Variants in RFX2 observed in about 807,000 individuals in gnomAD.
RFX2 encodes regulatory factor X2, also known as DNA-binding protein RFX2.
Under a neutral mutation model 87.8 loss-of-function variants are expected in RFX2, and 20 were observed. The ratio of observed to expected loss-of-function variants is 0.23; its 90% confidence interval spans 0.16 to 0.33. RFX2 has a LOEUF of 0.33. RFX2 is among the 10% of genes least tolerant of loss of function. RFX2 has a pLI of 1.00. For synonymous variants in RFX2, 397 were observed against 431.3 expected (o/e 0.92, Z 0.98); for missense variants, 767 against 1,012.3 (o/e 0.76, Z 3.29).
At position 6,011,003 on chromosome 19, in the gene RFX2, C is replaced by T. The variant is rs1008613023; in HGVS notation, c.900-752G>A. Among the ~76,000 whole-genome samples the T allele has an allele frequency of 5.9e-5, 9 of 151,968 alleles. No homozygotes were observed. The highest frequency in any genetic ancestry group is 2.1e-4 in the South Asian group (1 of 4,816). The stretch of plus-strand genomic sequence containing the variant: ...TGGTGGCGCATGCCTTTAATCCCAG[C>T]GACTCAGGAGGCTGAGGCAGGAGAA... On this transcript the variant is annotated intron_variant, in intron 8 of 17. Transcript: ENST00000303657. This position sits in a 1 kb window ranked among gnomAD's most constrained non-coding sequence, Gnocchi z 4.8.
chr19:6,087,526 T>G (rs1407273200), intron 1 of RFX2, among the ~76,000 whole-genome samples: 1 of 152,184 alleles, frequency 6.6e-6, no homozygotes, highest in African/African-American at 2.4e-5. Context: ...GAAGCCCATC[T>G]GATTTACCAC....
intron 5 of RFX2, among the ~76,000 whole-genome samples, chr19:6,033,159 A>C (rs1211382171): frequency 6.6e-6 from 1 of 152,204 alleles, no homozygotes; most frequent in African/African-American, 2.4e-5. Flanking sequence ...ATTCTTACAG[A>C]GCCACTGCGC....
At chr19:6,019,005 A>C (rs1415736299) in intron 6 of RFX2, among the ~76,000 whole-genome samples, 2 of 152,040 alleles carry the variant, frequency 1.3e-5, no homozygotes, top group African/African-American at 4.8e-5. Context: ...TTGCTACCAC[A>C]AAGTCTGCCT....
Position 6,022,369 on chromosome 19 carries a change from T to C in RFX2, c.597+3794A>G, listed in dbSNP as rs1316974769. Among the ~76,000 whole-genome samples, 1 of 152,204 alleles carries C rather than the reference T, an allele frequency of 6.6e-6. No individual in the cohort carries two copies. The highest frequency in any genetic ancestry group is 1.5e-5 in the Non-Finnish European group (1 of 68,030). On this transcript the variant is annotated intron_variant, in intron 6 of 17. Transcript: ENST00000303657. The surrounding 1 kb of genome is among the most constrained non-coding windows in gnomAD (Gnocchi z 6.2). ...CCTTTGACAATGTGTGTTTCTTGAT[T>C]TCAAAGCAAAAAGTCACATAACCCA...
rs57838932 is a variant in RFX2 at position 6,013,725 on chromosome 19, G to A, written c.780-620C>T. 0.061 allele frequency among the ~76,000 whole-genome samples: 9,290 copies of A among 152,216 alleles called. 718 individuals carry two copies. Among genetic ancestry groups the A allele is most frequent in the African/African-American group, 0.19 (7,706 of 41,488 alleles). On this transcript the variant is annotated intron_variant, in intron 7 of 17. Coordinates refer to ENST00000303657, the MANE Select transcript of RFX2 (RefSeq NM_000635.4). The surrounding 1 kb of genome is among the most constrained non-coding windows in gnomAD (Gnocchi z 4.1). ...CTGCTGCAGCCTCTGAGTAGCTGAC[G>A]TGTGCCACCACACTCGGATCTTGAC... is the stretch of plus-strand genomic sequence containing the variant.
intron 15 of RFX2, among the ~76,000 whole-genome samples, chr19:6,000,007 G>A (rs1026121815): frequency 1.3e-5 from 2 of 150,796 alleles, no homozygotes; most frequent in African/African-American, 4.9e-5. Flanking sequence ...TTCTTGAGAT[G>A]GAGTTTGGCT....
At position 6,002,861 on chromosome 19, in the gene RFX2, C is replaced by T. The variant is rs1033176690; in HGVS notation, c.1510G>A (p.Val504Ile). 11 of 1,607,154 alleles carry T rather than the reference C, an allele frequency of 6.8e-6. No homozygotes were observed. The highest frequency in any genetic ancestry group is 2.7e-5 in the African/African-American group (2 of 74,890). ...QQVIQTKVGV[V>I]SAFAQTLRRY... is the part of the protein sequence containing the mutation. The stretch of plus-strand genomic sequence containing the variant: ...CGCAGCGTCTGGGCGAAGGCACTGA[C>T]GACGCCCACCTGTAAGCCAGGGCTC... Residue 504 changes from valine to isoleucine, a missense_variant, in exon 14 of 18, where the codon GTC becomes ATC. By Grantham distance (29) the Val-to-Ile change is conservative. Transcript: ENST00000303657. This position sits in a 1 kb window ranked among gnomAD's most constrained non-coding sequence, Gnocchi z 6.7.
chr19:6,054,850 G>A (rs1305332393), intron 1 of RFX2, among the ~76,000 whole-genome samples: 4 of 152,170 alleles, frequency 2.6e-5, no homozygotes, highest in Non-Finnish European at 1.5e-5. Flanking sequence ...AGAAAAACTT[G>A]AGAAATTAGA....
At chr19:6,065,111 T>C (rs1183360342) in intron 1 of RFX2, among the ~76,000 whole-genome samples, 1 of 152,214 alleles carries the variant, frequency 6.6e-6, no homozygotes, top group Non-Finnish European at 1.5e-5. Flanking sequence ...AACTGGGGAC[T>C]GGGCAGAAAA....
At position 6,011,458 on chromosome 19, in the gene RFX2, ACCTGGCTCAGGGCAGG is replaced by A. The variant is rs1180725684; in HGVS notation, c.900-1223_900-1208del. ...CATGCTGGCGAGGTGTGTGTAAACCACCTGGCTCAGGGCAGGCCGTGGGCATCACACAGACACAGGC... is the reference window on the plus strand; with the variant it reads ...CATGCTGGCGAGGTGTGTGTAAACCACCGTGGGCATCACACAGACACAGGC... On this transcript the variant is annotated intron_variant, in intron 8 of 17. Coordinates refer to ENST00000303657, the MANE Select transcript of RFX2 (RefSeq NM_000635.4). This position sits in a 1 kb window ranked among gnomAD's most constrained non-coding sequence, Gnocchi z 4.8. 6.6e-6 allele frequency among the ~76,000 whole-genome samples: 1 copy of A among 152,204 alleles called. No individual in the cohort carries two copies. The highest frequency in any genetic ancestry group is 1.5e-5 in the Non-Finnish European group (1 of 68,032).
rs780261712 is a variant in RFX2, at chr19:6,050,714, A to AGACTGGG, written c.-8-3211_-8-3210insCCCAGTC. On this transcript the variant is annotated intron_variant, in intron 1 of 17. Coordinates refer to ENST00000303657, the MANE Select transcript of RFX2 (RefSeq NM_000635.4). This position sits in a 1 kb window ranked among gnomAD's most constrained non-coding sequence, Gnocchi z 4.6. Reference sequence around the variant, plus strand: ...AGAACAAACTGTCTAATATATATGTAACGAGAGTCCCAGAAGAGAAAAAGA... The same window carrying AGACTGGG: ...AGAACAAACTGTCTAATATATATGTAGACTGGGACGAGAGTCCCAGAAGAGAAAAAGA... 1.3e-5 allele frequency among the ~76,000 whole-genome samples: 2 copies of AGACTGGG among 152,216 alleles called. No homozygotes were observed. Among genetic ancestry groups the AGACTGGG allele is most frequent in the South Asian group, 2.1e-4 (1 of 4,834 alleles).
rs113457574 is a variant in RFX2 at position 6,004,297 on chromosome 19, A to G, written c.1404T>C (p.Ser468=). Reference sequence around the variant, plus strand: ...AGTTACGGATGGCCTGTGTCAAGGTACCTGGGGGATACAGACCATGATATT... The same window carrying G: ...AGTTACGGATGGCCTGTGTCAAGGTGCCTGGGGGATACAGACCATGATATT... ...LIPDVLRPVP[S]TLTQAIRNFA... Residue 468 remains serine, a splice_region_variant and synonymous_variant, in exon 13 of 18, where the codon AGT becomes AGC. Transcript: ENST00000303657. The surrounding 1 kb of genome is among the most constrained non-coding windows in gnomAD (Gnocchi z 4.8). 1.2e-6 allele frequency: 2 copies of G among 1,612,852 alleles called. No homozygotes were observed. The highest frequency in any genetic ancestry group is 1.7e-6 in the Non-Finnish European group (2 of 1,178,974).
Position 6,016,009 on chromosome 19 carries a change from G to A in RFX2, c.779+81C>T, listed in dbSNP as rs2086721404. On this transcript the variant is annotated intron_variant, in intron 7 of 17. Coordinates refer to ENST00000303657, the MANE Select transcript of RFX2 (RefSeq NM_000635.4). This position sits in a 1 kb window ranked among gnomAD's most constrained non-coding sequence, Gnocchi z 5.4. Reference sequence around the variant, plus strand: ...GAATCAGGCCACCTGGAAAGGAGGAGGAAGCCTCGCATTTTCCCAAAAGCT... The same window carrying A: ...GAATCAGGCCACCTGGAAAGGAGGAAGAAGCCTCGCATTTTCCCAAAAGCT... 1.5e-6 allele frequency: 2 copies of A among 1,375,748 alleles called. No homozygotes were observed. The highest frequency in any genetic ancestry group is 1.5e-5 in the African/African-American group (1 of 68,800). 85.2% of individuals were successfully genotyped at this position (1,375,748 alleles called of 1,614,324 possible).
Position 6,004,303 on chromosome 19 carries a change from G to A in RFX2, c.1403-5C>T. 6.2e-7 allele frequency: 1 copy of A among 1,611,498 alleles called. No homozygotes were observed. Among genetic ancestry groups the A allele is most frequent in the Non-Finnish European group, 8.5e-7 (1 of 1,177,650 alleles). ...GGATGGCCTGTGTCAAGGTACCTGGGGGATACAGACCATGATATTACCAGG... is the reference window on the plus strand; with the variant it reads ...GGATGGCCTGTGTCAAGGTACCTGGAGGATACAGACCATGATATTACCAGG... On this transcript the variant is annotated splice_region_variant and splice_polypyrimidine_tract_variant and intron_variant, in intron 12 of 17. Transcript: ENST00000303657. This position sits in a 1 kb window ranked among gnomAD's most constrained non-coding sequence, Gnocchi z 4.8.
chr19:6,088,343 C>G (rs933110993), intron 1 of RFX2, among the ~76,000 whole-genome samples: 4 of 150,780 alleles, frequency 2.7e-5, no homozygotes, highest in Non-Finnish European at 5.9e-5. Flanking sequence ...TCCTGAGTGG[C>G]TAGTATTACA....
At position 6,047,360 on chromosome 19, in the gene RFX2, G is replaced by T. The variant is rs776395207; in HGVS notation, c.90+47C>A. 1.4e-6 allele frequency: 2 copies of T among 1,443,080 alleles called. No individual in the cohort carries two copies. The highest frequency in any genetic ancestry group is 2.1e-5 in the Admixed American group (1 of 48,136). 89.4% of individuals were successfully genotyped at this position (1,443,080 alleles called of 1,614,324 possible). A position where few individuals can be genotyped will look rare whatever the true frequency, so the allele number is the denominator to read the frequency against. On this transcript the variant is annotated intron_variant, in intron 2 of 17. Coordinates refer to ENST00000303657, the MANE Select transcript of RFX2 (RefSeq NM_000635.4). This position sits in a 1 kb window ranked among gnomAD's most constrained non-coding sequence, Gnocchi z 4.2. Reference sequence around the variant, plus strand: ...AGCAGCTTTCAAACCCATAGAGATCGCGTCCACACTGTGGCCACCCTGTTG... The same window carrying T: ...AGCAGCTTTCAAACCCATAGAGATCTCGTCCACACTGTGGCCACCCTGTTG...
At chr19:6,100,261 G>T (rs972519086) in intron 1 of RFX2, among the ~76,000 whole-genome samples, 1 of 151,990 alleles carries the variant, frequency 6.6e-6, no homozygotes, top group Non-Finnish European at 1.5e-5. Context: ...ACTGAAGGAA[G>T]CCTTGAATGT....
rs928027678 is a variant in RFX2 at position 6,063,838 on chromosome 19, G to A, written c.-8-16334C>T. ...CCAGGAAACCCCCCGACCCCTGTCT[G>A]ACAGCCACAAATGTCTCCAGACATC... On this transcript the variant is annotated intron_variant, in intron 1 of 17. Transcript: ENST00000303657. This position sits in a 1 kb window ranked among gnomAD's most constrained non-coding sequence, Gnocchi z 4.0. Among the ~76,000 whole-genome samples, 5 of 152,184 alleles carry A rather than the reference G, an allele frequency of 3.3e-5. No individual in the cohort carries two copies. Among genetic ancestry groups the A allele is most frequent in the African/African-American group, 9.7e-5 (4 of 41,442 alleles).
chr19:6,048,658 T>C (rs989139441), intron 1 of RFX2, among the ~76,000 whole-genome samples: 3 of 152,220 alleles, frequency 2.0e-5, no homozygotes, highest in African/African-American at 4.8e-5. Flanking sequence ...AATAGACATT[T>C]GCTAGAACTT....
Sources: allele counts gnomAD v4.1 joint callset (sites outside exome capture counted in the v4.1 genomes callset), GRCh38; gene constraint gnomAD v4.1.1; non-coding constraint Gnocchi (gnomAD v3.1); transcripts MANE v1.5; gene names NCBI Gene and HGNC (gene_info 2026-07-23, HGNC 2026-07-21).